SUGCT: variants seen among roughly 807,000 people sequenced by gnomAD.
The protein encoded by SUGCT is succinyl-CoA:glutarate CoA-transferase.
In SUGCT, 41 loss-of-function variants were observed where a neutral mutation model predicts 55.0. The ratio of observed to expected loss-of-function variants is 0.74; its 90% CI spans 0.58 to 0.97. SUGCT has a LOEUF of 0.97. Ranked by LOEUF, SUGCT falls within the 50% of genes least tolerant of loss-of-function variation. The pLI is 0.00. For missense variants in SUGCT, 568 were observed against 547.8 expected (o/e 1.04, Z -0.37); for synonymous variants, 187 against 200.4 (o/e 0.93, Z 0.56).
At chr7:40,909,885 CA>C in the SUGCT span, among the ~76,000 whole-genome samples, 2 of 152,210 alleles carry the variant, frequency 1.3e-5, no homozygotes, top group South Asian at 4.1e-4. Context: ...CTAAAAACAG[CA>C]ACTTGGTTAG....
chr7:40,948,308 G>A, the SUGCT span, among the ~76,000 whole-genome samples: 2 of 152,292 alleles, frequency 1.3e-5, no homozygotes, highest in East Asian at 3.9e-4. Context: ...TTGCAAGATA[G>A]ATCACTAAAG....
intron 12 of SUGCT, among the ~76,000 whole-genome samples, chr7:40,725,762 A>G (rs1056980088): frequency 6.6e-6 from 1 of 152,090 alleles, no homozygotes; most frequent in Non-Finnish European, 1.5e-5. Flanking sequence ...TCCCAGAATC[A>G]CTGTGTTCTT....
intron 9 of SUGCT, among the ~76,000 whole-genome samples, chr7:40,390,613 C>T (rs1207431243): frequency 1.3e-5 from 2 of 152,102 alleles, no homozygotes; most frequent in Non-Finnish European, 2.9e-5. Flanking sequence ...GAACTACAAA[C>T]CAGTCCTCAA....
intron 10 of SUGCT, 79 bp downstream of exon 10, chr7:40,449,437 A>G (rs1437193665): frequency 1.0e-5 from 10 of 990,098 alleles, no homozygotes; most frequent in African/African-American, 4.8e-5. Flanking sequence ...GTCACAACCA[A>G]CTTAGGCCCC....
In SUGCT at chr7:40,462,393, G is replaced by A. The variant is rs77202617; in HGVS notation, c.986+3195G>A. ...GAGCCCATGGCAGGCAGATCAAGTCGTGAACTCATGAAAGCCTTTATGACA... is the reference window on the plus strand; with the variant it reads ...GAGCCCATGGCAGGCAGATCAAGTCATGAACTCATGAAAGCCTTTATGACA... On this transcript the variant is annotated intron_variant, in intron 11 of 13. Coordinates refer to ENST00000335693, the MANE Select transcript of SUGCT (RefSeq NM_001193313.2). 2.6e-3 allele frequency among the ~76,000 whole-genome samples: 400 copies of A among 152,258 alleles called. 2 individuals are homozygous for A. The highest frequency in any genetic ancestry group is 8.8e-3 in the African/African-American group (365 of 41,530).
chr7:40,540,454 T>C (rs1794611638), intron 12 of SUGCT, among the ~76,000 whole-genome samples: 1 of 152,236 alleles, frequency 6.6e-6, no homozygotes. Flanking sequence ...GCTGGACAGC[T>C]TTTATGATAC....
At chr7:40,755,778 G>A (rs1788224109) in intron 13 of SUGCT, among the ~76,000 whole-genome samples, 1 of 152,216 alleles carries the variant, frequency 6.6e-6, no homozygotes, top group South Asian at 2.1e-4. Context: ...AAGTGTTTCA[G>A]TGGTGAGTGT....
At chr7:40,194,590 A>T (rs1422643921) in intron 5 of SUGCT, among the ~76,000 whole-genome samples, 1 of 152,036 alleles carries the variant, frequency 6.6e-6, no homozygotes, top group Non-Finnish European at 1.5e-5. Context: ...GTAAAGGTTT[A>T]AAAAATGTTT....
intron 12 of SUGCT, among the ~76,000 whole-genome samples, chr7:40,619,030 C>T (rs1176398717): frequency 2.0e-5 from 3 of 152,124 alleles, no homozygotes; most frequent in Non-Finnish European, 4.4e-5. Flanking sequence ...TTCTAACATT[C>T]AACACTCCCT....
At chr7:40,810,979 G>T (rs1245512969) in intron 13 of SUGCT, among the ~76,000 whole-genome samples, 1 of 152,086 alleles carries the variant, frequency 6.6e-6, no homozygotes, top group Non-Finnish European at 1.5e-5. Context: ...TTCTGTATAT[G>T]GCTAGACAAC....
chr7:40,507,324 C>G (rs1394869319), intron 12 of SUGCT, among the ~76,000 whole-genome samples: 1 of 152,146 alleles, frequency 6.6e-6, no homozygotes, highest in African/African-American at 2.4e-5. Context: ...TTTTTATCTG[C>G]CACCTTGGGG....
chr7:40,971,460 C>G, the SUGCT span, among the ~76,000 whole-genome samples: 1 of 152,002 alleles, frequency 6.6e-6, no homozygotes, highest in African/African-American at 2.4e-5. Context: ...ATGATGAGAA[C>G]CTAGATTCAA....
chr7:40,390,219 T>C (rs1175736280), intron 9 of SUGCT, among the ~76,000 whole-genome samples: 2 of 152,178 alleles, frequency 1.3e-5, no homozygotes, highest in African/African-American at 2.4e-5. Flanking sequence ...CTTTGAAAAC[T>C]GGCACAAGAC....
chr7:40,157,007 T>C (rs1322615360), intron 1 of SUGCT, among the ~76,000 whole-genome samples: 14 of 108,432 alleles, frequency 1.3e-4, no homozygotes, highest in African/African-American at 6.6e-4. Flanking sequence ...AGAGCAAGAC[T>C]GTCTCAAAAA....
chr7:40,477,380 C>T (rs1790757686), intron 11 of SUGCT, among the ~76,000 whole-genome samples: 1 of 152,072 alleles, frequency 6.6e-6, no homozygotes, highest in Non-Finnish European at 1.5e-5. Context: ...CCAAAAGTGA[C>T]TTCTTTCTGA....
chr7:40,874,690 T>C, the SUGCT span, among the ~76,000 whole-genome samples: 1 of 152,172 alleles, frequency 6.6e-6, no homozygotes, highest in Admixed American at 6.5e-5. Flanking sequence ...GCCACTTTGA[T>C]AGATCAATGC....
chr7:40,362,636 A>G (rs1489746904), intron 9 of SUGCT, among the ~76,000 whole-genome samples: 2 of 152,190 alleles, frequency 1.3e-5, no homozygotes, highest in African/African-American at 4.8e-5. Flanking sequence ...TATATCCAAC[A>G]GAGAAGGAAA....
At chr7:40,335,983 T>G (rs1796676402) in intron 9 of SUGCT, among the ~76,000 whole-genome samples, 1 of 152,176 alleles carries the variant, frequency 6.6e-6, no homozygotes, top group African/African-American at 2.4e-5. Flanking sequence ...GTCGAAGGCC[T>G]TTTTTGCATC....
intron 12 of SUGCT, among the ~76,000 whole-genome samples, chr7:40,630,895 G>T (rs1233186721): frequency 6.7e-6 from 1 of 148,720 alleles, no homozygotes; most frequent in Non-Finnish European, 1.5e-5. Context: ...GGTCGGGGGG[G>T]TGGGTGGGAG....
Sources: gnomAD v4.1 joint callset for allele counts (sites outside exome capture counted in the v4.1 genomes callset) on GRCh38, gnomAD v4.1.1 for gene constraint, MANE v1.5 for transcripts, NCBI Gene and HGNC (gene_info 2026-07-23, HGNC 2026-07-21) for gene names.